Variants in PTPRC observed in about 807,000 individuals in gnomAD.
PTPRC encodes the protein receptor-type tyrosine-protein phosphatase C.
A neutral mutation model predicts 155.9 loss-of-function variants in PTPRC; 44 were observed. That is an observed-to-expected ratio of 0.28 (90% CI 0.22 to 0.36). PTPRC has a LOEUF of 0.36. PTPRC is among the 10% of genes least tolerant of loss of function. The pLI is 1.00. For missense variants in PTPRC, 1,401 were observed against 1,564.6 expected (o/e 0.90, Z 1.76); for synonymous variants, 525 against 533.1 (o/e 0.98, Z 0.21).
intron 2 of PTPRC, among the ~76,000 whole-genome samples, chr1:198,654,283 G>A (rs1301876080): frequency 6.6e-6 from 1 of 151,716 alleles, no homozygotes; most frequent in African/African-American, 2.4e-5. Context: ...AGTGGCACAT[G>A]GGTCAGATTA....
intron 2 of PTPRC, among the ~76,000 whole-genome samples, chr1:198,652,949 A>T (rs1431101778): frequency 6.6e-6 from 1 of 151,866 alleles, no homozygotes; most frequent in African/African-American, 2.4e-5. Context: ...AAATTCTGGA[A>T]GTAGAACGAG....
At position 198,699,570 on chromosome 1, in the gene PTPRC, C is replaced by T; in HGVS notation, c.305C>T (p.Ser102Leu). The change falls in exon 5 of 33, where the codon TCA becomes TTA. Residue 102 changes from serine to leucine, a missense_variant. Physicochemically the swap from Ser to Leu is moderately radical, Grantham distance 145. This residue lies in a region of PTPRC where 867 missense variants were observed against 970.4 expected (regional missense o/e 0.89). Coordinates refer to ENST00000442510, the MANE Select transcript of PTPRC (RefSeq NM_002838.5). ...TCTCACTTTCCTACCTTAGGTGTTT[C>T]ATCAGTACAGACGCCTCACCTTCCC... ...NASAFNTTGVSSVQTPHLPTH... is the reference protein window; with the variant it reads ...NASAFNTTGVLSVQTPHLPTH... The T allele has an allele frequency of 6.2e-7, 1 of 1,614,208 alleles. No homozygotes were observed. The highest frequency in any genetic ancestry group is 8.5e-7 in the Non-Finnish European group (1 of 1,180,026).
At chr1:198,667,710 G>A (rs1308530342) in intron 2 of PTPRC, among the ~76,000 whole-genome samples, 2 of 151,106 alleles carry the variant, frequency 1.3e-5, no homozygotes, top group African/African-American at 2.4e-5. Flanking sequence ...TTATTTCTAG[G>A]ACAAGACATC....
intron 4 of PTPRC, among the ~76,000 whole-genome samples, chr1:198,697,352 G>C (rs1666254698): frequency 6.6e-6 from 1 of 152,184 alleles, no homozygotes; most frequent in South Asian, 2.1e-4. Context: ...GTTGAAGATA[G>C]AGAATGTATT....
intron 2 of PTPRC, among the ~76,000 whole-genome samples, chr1:198,661,084 A>G (rs1344847814): frequency 2.0e-5 from 3 of 152,146 alleles, no homozygotes; most frequent in Non-Finnish European, 2.9e-5. Context: ...AGAAAAGCCT[A>G]ATTTAGTGCT....
chr1:198,713,690 G>T (rs1376191323), intron 12 of PTPRC, among the ~76,000 whole-genome samples: 1 of 152,108 alleles, frequency 6.6e-6, no homozygotes, highest in African/African-American at 2.4e-5. Flanking sequence ...ATATCTTCTG[G>T]ACAATTTAAA....
intron 2 of PTPRC, among the ~76,000 whole-genome samples, chr1:198,655,422 T>C (rs1438832749): frequency 6.6e-6 from 1 of 152,064 alleles, no homozygotes; most frequent in Admixed American, 6.6e-5. Flanking sequence ...TGTCCTTTGT[T>C]ACACCAAAAA....
chr1:198,711,686 T>A (rs1432149214), intron 11 of PTPRC, among the ~76,000 whole-genome samples: 1 of 152,122 alleles, frequency 6.6e-6, no homozygotes, highest in Non-Finnish European at 1.5e-5. Flanking sequence ...AAAAAAGCAA[T>A]AAATAGTTTG....
At chr1:198,687,950 C>T (rs1222748981) in intron 2 of PTPRC, among the ~76,000 whole-genome samples, 1 of 151,200 alleles carries the variant, frequency 6.6e-6, no homozygotes, top group African/African-American at 2.4e-5. Flanking sequence ...AAAAGTGTTA[C>T]CAAAACTAAA....
intron 32 of PTPRC, 49 bp from the exon 33 acceptor site, chr1:198,755,857 A>AATG: frequency 2.0e-6 from 3 of 1,536,506 alleles, no homozygotes; most frequent in South Asian, 2.3e-5. Flanking sequence ...GCATAAAAAT[A>AATG]ATGACATCAA....
At chr1:198,701,912 C>T (rs1666478603) in intron 5 of PTPRC, among the ~76,000 whole-genome samples, 2 of 152,164 alleles carry the variant, frequency 1.3e-5, no homozygotes, top group African/African-American at 2.4e-5. Context: ...GCACCTGCAC[C>T]CAGGGATCCC....
At chr1:198,727,391 T>C (rs1480353914) in intron 15 of PTPRC, among the ~76,000 whole-genome samples, 1 of 152,158 alleles carries the variant, frequency 6.6e-6, no homozygotes, top group Non-Finnish European at 1.5e-5. Context: ...AGGACCCTTG[T>C]TTTTCTTTAT....
intron 31 of PTPRC, among the ~76,000 whole-genome samples, chr1:198,753,998 T>TA (rs976361332): frequency 3.2e-4 from 48 of 152,164 alleles, no homozygotes; most frequent in African/African-American, 1.1e-3. Flanking sequence ...AAAAATGCAT[T>TA]AAAATCCATA....
intron 2 of PTPRC, among the ~76,000 whole-genome samples, chr1:198,674,508 A>AAT (rs1491127414): frequency 6.7e-6 from 1 of 148,434 alleles, no homozygotes; most frequent in Non-Finnish European, 1.5e-5. Context: ...AACATATAAT[A>AAT]ATATATATAG....
Position 198,699,546 on chromosome 1 carries a change from C to T in PTPRC, c.299-18C>T. ...AGTGGGGGAAGACTGATGTAATGAT[C>T]TCACTTTCCTACCTTAGGTGTTTCA... On this transcript the variant is annotated intron_variant, in intron 4 of 32. Transcript: ENST00000442510. 1.9e-6 allele frequency: 3 copies of T among 1,614,128 alleles called. No homozygotes were observed. The highest frequency in any genetic ancestry group is 2.5e-6 in the Non-Finnish European group (3 of 1,179,970).
rs1666230230 is a variant in PTPRC, at chr1:198,696,867, TC to T, written c.260del (p.Pro87ArgfsTer80). 1.2e-6 allele frequency: 2 copies of T among 1,613,972 alleles called. No homozygotes were observed. The highest frequency in any genetic ancestry group is 1.7e-6 in the Non-Finnish European group (2 of 1,179,986). ...LSPDNTSTQV[S>X]PDSLDNASAF... is the part of the protein sequence containing the mutation. ...TCCAGACAATACTTCCACCCAAGTA[TC>T]CCCGGACTCTTTGGATAATGCTAGT... On this transcript the variant is annotated frameshift_variant, in exon 4 of 33. Coordinates refer to ENST00000442510, the MANE Select transcript of PTPRC (RefSeq NM_002838.5). LOFTEE classifies it high-confidence loss of function.
chr1:198,682,944 A>T (rs1443258939), intron 2 of PTPRC, among the ~76,000 whole-genome samples: 1 of 152,130 alleles, frequency 6.6e-6, no homozygotes, highest in Non-Finnish European at 1.5e-5. Context: ...ATATTTACTC[A>T]TTTTTGAGTC....
intron 24 of PTPRC, 47 bp downstream of exon 24, chr1:198,742,073 A>G (rs1295231695): frequency 6.2e-7 from 1 of 1,607,158 alleles, no homozygotes; most frequent in Non-Finnish European, 8.5e-7. Flanking sequence ...AAAAACTCCA[A>G]CAGAATCCAC....
chr1:198,705,095 A>G (rs1456527044), intron 8 of PTPRC, among the ~76,000 whole-genome samples: 1 of 152,086 alleles, frequency 6.6e-6, no homozygotes, highest in Non-Finnish European at 1.5e-5. Flanking sequence ...GGCTCAAAGC[A>G]GATACTTGAA....
Sources: gnomAD v4.1 joint callset for allele counts (sites outside exome capture counted in the v4.1 genomes callset) on GRCh38, gnomAD v4.1.1 for gene constraint, gnomAD v4.1.1 regional missense constraint, MANE v1.5 for transcripts, NCBI Gene and HGNC (gene_info 2026-07-23, HGNC 2026-07-21) for gene names.